IGFN1: variants seen among roughly 807,000 people sequenced by gnomAD.
IGFN1 encodes immunoglobulin-like and fibronectin type III domain-containing protein 1.
Under a neutral mutation model 289.5 loss-of-function variants are expected in IGFN1, and 253 were observed. That is an observed-to-expected ratio of 0.87 (90% CI 0.79 to 0.97). The LOEUF (loss-of-function observed/expected upper bound fraction) is 0.97. Ranked by LOEUF, IGFN1 falls within the 50% of genes least tolerant of loss-of-function variation. IGFN1 has a pLI of 0.00. For synonymous variants in IGFN1, 1,706 were observed against 1,788.5 expected, an observed-to-expected ratio of 0.95 and a Z score of 1.16; for missense variants, 4,470 against 4,686.1, an observed-to-expected ratio of 0.95 and a Z score of 1.35.
rs1653130433 is a variant in IGFN1, at chr1:201,215,094, G to C, written c.8935G>C (p.Ala2979Pro). The C allele has an allele frequency of 6.2e-7, 1 of 1,613,992 alleles. No homozygotes were observed. Among genetic ancestry groups the C allele is most frequent in the East Asian group, 2.2e-5 (1 of 44,884 alleles). ...LFITHVQGTQ[A>P]GRYTFVAGDQ... Reference sequence around the variant, plus strand: ...CATCACGCATGTGCAGGGGACCCAAGCTGGGAGGTACACCTTTGTAGCTGG... The same window carrying C: ...CATCACGCATGTGCAGGGGACCCAACCTGGGAGGTACACCTTTGTAGCTGG... Residue 2979 changes from alanine to proline, a missense_variant, in exon 14 of 24, where the codon GCT becomes CCT. By Grantham distance (27) the Ala-to-Pro change is conservative (BLOSUM62 -1). Around this residue, in one of 8 missense-constraint regions of IGFN1, gnomAD observed 2,218 missense variants for 2,114.1 expected, o/e 1.05. Coordinates refer to ENST00000335211, the MANE Select transcript of IGFN1 (RefSeq NM_001164586.2).
In IGFN1 at chr1:201,205,322, T is replaced by C. The variant is rs1331869416; in HGVS notation, c.1157T>C (p.Leu386Pro). 6.5e-7 allele frequency: 1 copy of C among 1,545,878 alleles called. No individual in the cohort carries two copies. Among genetic ancestry groups the C allele is most frequent in the Admixed American group, 2.0e-5 (1 of 50,818 alleles). Residue 386 changes from leucine (L) to proline (P), a missense_variant, in exon 11 of 24, where the codon CTC becomes CCC. This residue lies in a region of IGFN1 where 2,011 missense variants were observed against 1,953.4 expected (regional missense o/e 1.03). Coordinates refer to ENST00000335211, the MANE Select transcript of IGFN1 (RefSeq NM_001164586.2). ...GGCCCCTATTCGCTGGGCACCGGGC[T>C]CTACACTTCCAGCGCCTGGCTGGTG... ...DMGPYSLGTG[L>P]YTSSAWLVVE...
Position 201,211,376 on chromosome 1 carries a change from G to C in IGFN1, c.6483G>C (p.Arg2161Ser), listed in dbSNP as rs1206526847. 2.0e-6 allele frequency: 3 copies of C among 1,490,612 alleles called. No individual in the cohort carries two copies. The highest frequency in any genetic ancestry group is 2.7e-6 in the Non-Finnish European group (3 of 1,118,360). The allele number at this position is 1,490,612 out of a possible 1,614,324, so 92.3% of individuals were successfully genotyped here. Residue 2161 changes from arginine to serine, a missense_variant, in exon 12 of 24, where the codon AGG becomes AGC. Transcript: ENST00000335211. ...GMGSESKAGF[R>S]DGLGSSGEMG... is the part of the protein sequence containing the mutation. ...GTTCAGAGAGTAAGGCAGGTTTTAG[G>C]GATGGTTTAGGGAGTTCTGGGGAAA...
At chr1:201,193,100 A>G (rs1009439246) in intron 1 of IGFN1, 147 bp from the exon 2 acceptor site, 2 of 576,660 alleles carry the variant, frequency 3.5e-6, no homozygotes, top group African/African-American at 3.8e-5. Context: ...GAAACTAATC[A>G]GTGCCATTAG....
chr1:201,220,727 G>T (rs1451765661), intron 18 of IGFN1, among the ~76,000 whole-genome samples: 1 of 152,228 alleles, frequency 6.6e-6, no homozygotes, highest in African/African-American at 2.4e-5. Context: ...ATTAAAGTTT[G>T]AGAAGTACTG....
Position 201,197,244 on chromosome 1 carries a change from G to C in IGFN1, c.294G>C (p.Thr98=), listed in dbSNP as rs773952963. Residue 98 remains threonine, a synonymous_variant, in exon 5 of 24, where the codon ACG becomes ACC. Transcript: ENST00000335211. ...LQINKLTGED[T]DLYRCTAVNA... is the part of the protein sequence containing the mutation. ...TCAACAAGCTGACAGGCGAGGACAC[G>C]GATCTGTACCGCTGCACAGCAGTAA... 9.0e-6 allele frequency: 14 copies of C among 1,550,950 alleles called. No homozygotes were observed. Among genetic ancestry groups the C allele is most frequent in the Non-Finnish European group, 1.2e-5 (14 of 1,146,350 alleles).
chr1:201,201,470 G>T (rs2102325712), intron 8 of IGFN1, among the ~76,000 whole-genome samples: 1 of 152,306 alleles, frequency 6.6e-6, no homozygotes, highest in South Asian at 2.1e-4. Flanking sequence ...CAGATAGATG[G>T]AAAAGCCCCA....
intron 18 of IGFN1, among the ~76,000 whole-genome samples, chr1:201,220,970 T>G (rs2102365468): frequency 6.6e-6 from 1 of 152,222 alleles, no homozygotes; most frequent in East Asian, 1.9e-4. Flanking sequence ...CCTCTGTGGG[T>G]AGGTGGGGCT....
intron 5 of IGFN1, 60 bp from the exon 6 acceptor site, chr1:201,199,274 T>A: frequency 7.0e-7 from 1 of 1,423,520 alleles, no homozygotes; most frequent in Non-Finnish European, 9.7e-7. Flanking sequence ...CATCAACATG[T>A]CTTGCTTCTC....
At chr1:201,220,115 C>A (rs140098911) in intron 18 of IGFN1, among the ~76,000 whole-genome samples, 1 of 145,042 alleles carries the variant, frequency 6.9e-6, no homozygotes, top group South Asian at 2.3e-4. Context: ...CCCCTTCCTC[C>A]CTCCCTCTCT....
intron 13 of IGFN1, 25 bp from the exon 14 acceptor site, chr1:201,214,985 CCTT>C: frequency 6.2e-7 from 1 of 1,607,842 alleles, no homozygotes; most frequent in Non-Finnish European, 8.5e-7. Context: ...AGTGGGGTGA[CCTT>C]CTCCTGCTGT....
Position 201,216,114 on chromosome 1 carries a change from G to T in IGFN1, c.9295+276G>T, listed in dbSNP as rs996676158. 1.9e-5 allele frequency: 13 copies of T among 669,622 alleles called. No individual in the cohort carries two copies. The Admixed American group carries it at 2.3e-4, about 12-fold the overall frequency. The allele number at this position is 669,622 out of a possible 1,614,324, so 41.5% of individuals were successfully genotyped here. ...CCTCAGGAAGTTGCTGGGTAGGATG[G>T]TGGTCCCCAGCCCTGAGTGGTGCCA... On this transcript the variant is annotated intron_variant, in intron 15 of 23. Transcript: ENST00000335211.
At chr1:201,199,682 T>G (rs1263147536) in intron 7 of IGFN1, 28 bp downstream of exon 7, 10 of 1,547,410 alleles carry the variant, frequency 6.5e-6, no homozygotes, top group Non-Finnish European at 8.7e-6. Context: ...CATGAGGGAT[T>G]TTGGAGGCTC....
At chr1:201,222,942 G>C (rs1429271579) in intron 20 of IGFN1, 115 bp downstream of exon 20, 8 of 604,330 alleles carry the variant, frequency 1.3e-5, no homozygotes, top group Non-Finnish European at 2.3e-5. Flanking sequence ...GTCAGTGCTT[G>C]TGGAAATCAC....
At chr1:201,200,564 G>A (rs1253196517) in intron 8 of IGFN1, among the ~76,000 whole-genome samples, 153 bp downstream of exon 8, 1 of 152,212 alleles carries the variant, frequency 6.6e-6, no homozygotes, top group Non-Finnish European at 1.5e-5. Flanking sequence ...TGGGGTATCT[G>A]GCTAAGGCCC....
Position 201,208,462 on chromosome 1 carries a change from A to T in IGFN1, c.3569A>T (p.Glu1190Val), listed in dbSNP as rs753688269. 59 of 1,445,778 alleles carry T rather than the reference A, an allele frequency of 4.1e-5. No individual in the cohort carries two copies. Among genetic ancestry groups the T allele is most frequent in the Non-Finnish European group, 5.2e-5 (58 of 1,106,406 alleles). 89.6% of individuals were successfully genotyped at this position (1,445,778 alleles called of 1,614,324 possible). A position where few individuals can be genotyped will look rare whatever the true frequency, so the allele number is the denominator to read the frequency against. Residue 1190 changes from glutamate to valine, a missense_variant, in exon 12 of 24, where the codon GAG becomes GTG. Around this residue, in one of 8 missense-constraint regions of IGFN1, gnomAD observed 2,011 missense variants for 1,953.4 expected, o/e 1.03. Transcript: ENST00000335211. ...TATAGGGATGATACCAGGCACCCTG[A>T]GTCACTCGCACCTCACAATGGGGCC... Reference protein sequence around the residue: ...AGYRDDTRHPESLAPHNGAAS... With the variant: ...AGYRDDTRHPVSLAPHNGAAS...
In IGFN1 at chr1:201,221,709, T is replaced by C. The variant is rs767215484; in HGVS notation, c.10164T>C (p.Ser3388=). The C allele has an allele frequency of 2.8e-5, 45 of 1,609,566 alleles. No homozygotes were observed. The highest frequency in any genetic ancestry group is 8.5e-7 in the Non-Finnish European group (1 of 1,177,532). The change falls in exon 19 of 24, where the codon AGT becomes AGC. Residue 3388 remains serine, a synonymous_variant. Coordinates refer to ENST00000335211, the MANE Select transcript of IGFN1 (RefSeq NM_001164586.2). Reference sequence around the variant, plus strand: ...ATGAAGGAGGCCAGAGCCAGCCCAGTGCCCTGGACACATTAGTGCAAGCCA... The same window carrying C: ...ATGAAGGAGGCCAGAGCCAGCCCAGCGCCCTGGACACATTAGTGCAAGCCA... ...AVNEGGQSQP[S]ALDTLVQAMP...
chr1:201,191,221 A>G (rs1204257048), intron 1 of IGFN1, among the ~76,000 whole-genome samples: 1 of 152,230 alleles, frequency 6.6e-6, no homozygotes, highest in Non-Finnish European at 1.5e-5. Context: ...CTAGCAGTCC[A>G]GAATAAGGAC....
At chr1:201,199,701 T>C (rs1667065358) in intron 7 of IGFN1, 47 bp downstream of exon 7, 3 of 1,495,998 alleles carry the variant, frequency 2.0e-6, no homozygotes, top group Admixed American at 4.1e-5. Context: ...TCCCATAGTA[T>C]TCACCCCCTG....
Position 201,212,079 on chromosome 1 carries a change from T to C in IGFN1, c.7186T>C (p.Ser2396Pro), listed in dbSNP as rs1273651758. Residue 2396 changes from serine (S) to proline (P), a missense_variant, in exon 12 of 24, where the codon TCA becomes CCA. By Grantham distance (74) the Ser-to-Pro change is moderately conservative. Coordinates refer to ENST00000335211, the MANE Select transcript of IGFN1 (RefSeq NM_001164586.2). ...MGHRSGYWVA[S>P]EGDTNSKDGP... ...TCACAGGTCAGGATATTGGGTAGCA[T>C]CAGAGGGTGACACGAACTCCAAGGA... 1 of 1,536,218 alleles carries C rather than the reference T, an allele frequency of 6.5e-7. No individual in the cohort carries two copies. Among genetic ancestry groups the C allele is most frequent in the Admixed American group, 2.0e-5 (1 of 50,970 alleles).
Sources: gnomAD v4.1 joint callset for allele counts (sites outside exome capture counted in the v4.1 genomes callset) on GRCh38, gnomAD v4.1.1 for gene constraint, gnomAD v4.1.1 regional missense constraint, MANE v1.5 for transcripts, NCBI Gene and HGNC (gene_info 2026-07-23, HGNC 2026-07-21) for gene names.